Variants in FBN2 observed in about 807,000 individuals in gnomAD.
FBN2 encodes fibrillin 2.
Under a neutral mutation model 355.6 loss-of-function variants are expected in FBN2, and 105 were observed. The ratio of observed to expected loss-of-function variants is 0.30; its 90% CI spans 0.25 to 0.35. The LOEUF (loss-of-function observed/expected upper bound fraction) is 0.35, where lower values mean the gene tolerates loss of function less well. Among genes scored for constraint, FBN2 ranks in the 10% least tolerant of loss-of-function variants. The probability of loss-of-function intolerance (pLI) is 1.00; values close to 1 mark genes in which losing one functional copy is unlikely to be tolerated. For synonymous variants in FBN2, 1,350 were observed against 1,301.2 expected (o/e 1.04, Z -0.81); for missense variants, 3,280 against 3,758.7 (o/e 0.87, Z 3.33).
chr5:128,333,875 A>T (rs1750761768), intron 31 of FBN2, among the ~76,000 whole-genome samples: 1 of 54,684 alleles, frequency 1.8e-5, no homozygotes, highest in Non-Finnish European at 3.5e-5. Context: ...ACACACACAC[A>T]CTACTGGCTT....
intron 5 of FBN2, among the ~76,000 whole-genome samples, chr5:128,517,043 G>A (rs546059164): frequency 8.5e-5 from 13 of 152,162 alleles, no homozygotes; most frequent in Admixed American, 5.9e-4. Flanking sequence ...AATATCCCAA[G>A]GGTAATCCAT....
chr5:128,423,994 A>G (rs1753420001), intron 7 of FBN2, among the ~76,000 whole-genome samples: 1 of 152,216 alleles, frequency 6.6e-6, no homozygotes. Context: ...CTTGGGAAAG[A>G]GAATGAATAA....
intron 64 of FBN2, 114 bp from the exon 65 acceptor site, chr5:128,259,943 C>T (rs1158253416): frequency 8.5e-6 from 9 of 1,063,916 alleles, no homozygotes; most frequent in Non-Finnish European, 1.0e-5. Flanking sequence ...GCTTCCCACT[C>T]CCGCTTTCTG....
chr5:128,467,592 T>C (rs1447319736), intron 5 of FBN2, among the ~76,000 whole-genome samples: 1 of 152,138 alleles, frequency 6.6e-6, no homozygotes, highest in Non-Finnish European at 1.5e-5. Context: ...TGGCCATGCA[T>C]TCTCTTCCTA....
intron 5 of FBN2, among the ~76,000 whole-genome samples, chr5:128,486,150 T>C (rs1402772681): frequency 6.7e-6 from 1 of 149,644 alleles, no homozygotes; most frequent in Admixed American, 6.6e-5. Flanking sequence ...CAATTTTTAC[T>C]CCTTAGACCT....
chr5:128,424,256 G>A (rs1753429316), intron 7 of FBN2, among the ~76,000 whole-genome samples: 1 of 152,098 alleles, frequency 6.6e-6, no homozygotes. Flanking sequence ...GATAAAAAAT[G>A]CAAAAGGTCC....
intron 26 of FBN2, 63 bp from the exon 27 acceptor site, chr5:128,338,185 C>A (rs762207047): frequency 4.0e-6 from 6 of 1,503,562 alleles, no homozygotes; most frequent in Non-Finnish European, 3.7e-6. Flanking sequence ...ACACATACAG[C>A]GTGGGAGAAA....
At chr5:128,274,442 A>G in intron 60 of FBN2, 125 bp downstream of exon 60, 1 of 713,646 alleles carries the variant, frequency 1.4e-6, no homozygotes, top group Non-Finnish European at 2.5e-6. Context: ...TCTTTAGACC[A>G]CAAATTATGG....
At chr5:128,426,988 T>C (rs907980997) in intron 7 of FBN2, among the ~76,000 whole-genome samples, 2 of 152,232 alleles carry the variant, frequency 1.3e-5, no homozygotes, top group African/African-American at 2.4e-5. Flanking sequence ...TCCAGTCTCA[T>C]GGCTTTAAAG....
At chr5:128,346,967 C>A (rs1751198756) in intron 23 of FBN2, among the ~76,000 whole-genome samples, 1 of 152,322 alleles carries the variant, frequency 6.6e-6, no homozygotes, top group South Asian at 2.1e-4. Context: ...AAGCCACATG[C>A]TTTGCCAGTG....
Position 128,456,948 on chromosome 5 carries a change from C to G in FBN2, c.826+7776G>C, listed in dbSNP as rs150542627. Reference sequence around the variant, plus strand: ...AAGGGTGCAGAGCTAAACGAAGGATCAGATGGATGAATTGACAGAAGTAGG... The same window carrying G: ...AAGGGTGCAGAGCTAAACGAAGGATGAGATGGATGAATTGACAGAAGTAGG... On this transcript the variant is annotated intron_variant, in intron 6 of 64. Transcript: ENST00000262464. 2.2e-4 allele frequency among the ~76,000 whole-genome samples: 34 copies of G among 152,266 alleles called. No homozygotes were observed. In the East Asian group the frequency reaches 6.2e-3, roughly 28 times the overall value.
intron 48 of FBN2, among the ~76,000 whole-genome samples, chr5:128,297,277 T>G (rs559314940): frequency 1.3e-5 from 2 of 152,202 alleles, no homozygotes; most frequent in African/African-American, 4.8e-5. Flanking sequence ...AATTTTGGAA[T>G]AGGTGTGGTG....
At chr5:128,526,970 C>A (rs567564565) in intron 4 of FBN2, among the ~76,000 whole-genome samples, 1 of 152,226 alleles carries the variant, frequency 6.6e-6, no homozygotes, top group African/African-American at 2.4e-5. Flanking sequence ...GCTAGATATT[C>A]TTTTACACCT....
At chr5:128,471,787 C>T (rs1426344140) in intron 5 of FBN2, among the ~76,000 whole-genome samples, 1 of 152,018 alleles carries the variant, frequency 6.6e-6, no homozygotes, top group Non-Finnish European at 1.5e-5. Context: ...ATTTAAGCTT[C>T]AGGTCTTATA....
rs1053437056 is a variant in FBN2 at position 128,286,076 on chromosome 5, A to G, written c.7012+642T>C. Among the ~76,000 whole-genome samples the G allele has an allele frequency of 9.8e-5, 15 of 152,294 alleles. No individual in the cohort carries two copies. In the South Asian group the frequency reaches 2.9e-3, roughly 30 times the overall value. ...AGGAACACATATGACTTAGGAGTTT[A>G]GGTTAATCTTCTGGGATAACAGATC... On this transcript the variant is annotated intron_variant, in intron 55 of 64. Transcript: ENST00000262464.
intron 7 of FBN2, among the ~76,000 whole-genome samples, chr5:128,430,828 C>T (rs1038962531): frequency 5.9e-5 from 9 of 151,502 alleles, no homozygotes; most frequent in Non-Finnish European, 1.3e-4. Context: ...CCAGTCTGGG[C>T]GACAGAGTGA....
chr5:128,328,508 A>C, intron 34 of FBN2, 188 bp downstream of exon 34: 2 of 710,714 alleles, frequency 2.8e-6, no homozygotes, highest in South Asian at 3.1e-5. Flanking sequence ...GGAAAACTTC[A>C]TAAGAGATGA....
chr5:128,296,235 T>A (rs1464907082), intron 48 of FBN2, among the ~76,000 whole-genome samples: 5 of 151,044 alleles, frequency 3.3e-5, no homozygotes, highest in African/African-American at 1.2e-4. Flanking sequence ...TGGATTTGGT[T>A]TGCCAGTATT....
intron 8 of FBN2, among the ~76,000 whole-genome samples, chr5:128,407,268 A>C (rs1752950322): frequency 6.6e-6 from 1 of 152,172 alleles, no homozygotes; most frequent in South Asian, 2.1e-4. Flanking sequence ...ACCTCTCTAA[A>C]CCATATTTCT....
Sources: gnomAD v4.1 joint callset for allele counts (sites outside exome capture counted in the v4.1 genomes callset) on GRCh38, gnomAD v4.1.1 for gene constraint, MANE v1.5 for transcripts, NCBI Gene and HGNC (gene_info 2026-07-23, HGNC 2026-07-21) for gene names.